Variants in ASTN2 observed in about 807,000 individuals in gnomAD.
ASTN2 encodes the protein astrotactin 2.
Under a neutral mutation model 139.8 loss-of-function variants are expected in ASTN2, and 54 were observed. The observed-to-expected ratio is 0.39, with a 90% CI of 0.31 to 0.48. The LOEUF (loss-of-function observed/expected upper bound fraction) is 0.48, where lower values mean the gene tolerates loss of function less well. Ranked by LOEUF, ASTN2 falls within the 20% of genes least tolerant of loss-of-function variation. ASTN2 has a pLI of 0.95. For synonymous variants in ASTN2, 756 were observed against 719.5 expected, an observed-to-expected ratio of 1.05 and a Z score of -0.81; for missense variants, 1,565 against 1,725.1, an observed-to-expected ratio of 0.91 and a Z score of 1.64.
At chr9:116,963,925 C>G (rs1341372916) in intron 10 of ASTN2, among the ~76,000 whole-genome samples, 1 of 152,160 alleles carries the variant, frequency 6.6e-6, no homozygotes, top group African/African-American at 2.4e-5. Context: ...AAGGCCTCAG[C>G]TCCATGGAAT....
chr9:116,541,400 T>C (rs919412731), intron 19 of ASTN2, among the ~76,000 whole-genome samples: 4 of 152,194 alleles, frequency 2.6e-5, no homozygotes, highest in African/African-American at 7.2e-5. Flanking sequence ...TATGAGCCAC[T>C]GCAAGTTCTA....
At chr9:117,365,737 ATGAAAGTCCACAATGTTC>A (rs1046314316) in intron 1 of ASTN2, among the ~76,000 whole-genome samples, 1 of 152,194 alleles carries the variant, frequency 6.6e-6, no homozygotes, top group African/African-American at 2.4e-5. Context: ...AGATCCTCCC[ATGAAAGTCCACAATGTTC>A]TGATGATGTG....
chr9:117,341,475 A>C (rs1021762289), intron 1 of ASTN2, among the ~76,000 whole-genome samples: 2 of 152,166 alleles, frequency 1.3e-5, no homozygotes, highest in African/African-American at 4.8e-5. Context: ...AGGGATAATA[A>C]TAATTTTTTG....
At chr9:116,806,193 T>C (rs1831024439) in intron 12 of ASTN2, among the ~76,000 whole-genome samples, 1 of 152,202 alleles carries the variant, frequency 6.6e-6, no homozygotes, top group African/African-American at 2.4e-5. Flanking sequence ...AGTACATCTG[T>C]CAACCAAGGT....
intron 17 of ASTN2, among the ~76,000 whole-genome samples, chr9:116,621,193 T>C (rs986632294): frequency 7.2e-5 from 11 of 152,114 alleles, no homozygotes; most frequent in Admixed American, 2.6e-4. Flanking sequence ...TGGGACAAGG[T>C]AGACTCTTCC....
intron 10 of ASTN2, among the ~76,000 whole-genome samples, chr9:116,916,172 T>TC (rs760162922): frequency 1.1e-3 from 172 of 152,266 alleles, no homozygotes; most frequent in Non-Finnish European, 2.1e-3. Flanking sequence ...TAGCCTTATT[T>TC]CCACATGTTG....
intron 20 of ASTN2, among the ~76,000 whole-genome samples, chr9:116,463,503 T>C (rs1848555548): frequency 6.6e-6 from 1 of 152,224 alleles, no homozygotes. Context: ...CATGCCATTG[T>C]CCCTCAGCCT....
intron 5 of ASTN2, among the ~76,000 whole-genome samples, chr9:117,080,455 A>G (rs1019895205): frequency 2.0e-5 from 3 of 152,212 alleles, no homozygotes; most frequent in Non-Finnish European, 4.4e-5. Flanking sequence ...AAAAATGTAC[A>G]GTGTCACAGA....
chr9:117,115,833 G>A (rs2132799012), intron 4 of ASTN2, among the ~76,000 whole-genome samples: 1 of 152,006 alleles, frequency 6.6e-6, no homozygotes, highest in Non-Finnish European at 1.5e-5. Flanking sequence ...AAACTATCCT[G>A]GCTAACATGG....
chr9:116,646,342 T>G (rs1379296390), intron 17 of ASTN2, among the ~76,000 whole-genome samples: 3 of 152,202 alleles, frequency 2.0e-5, no homozygotes, highest in Non-Finnish European at 4.4e-5. Context: ...TGTCTCAGTG[T>G]GAAAGCCCAG....
chr9:116,829,805 T>C (rs373462714), intron 11 of ASTN2, among the ~76,000 whole-genome samples: 3 of 152,146 alleles, frequency 2.0e-5, no homozygotes, highest in Admixed American at 6.5e-5. Context: ...GGTCAATAAA[T>C]GGTACTGAAA....
chr9:117,150,334 A>G (rs1830299331), intron 3 of ASTN2, among the ~76,000 whole-genome samples: 1 of 152,210 alleles, frequency 6.6e-6, no homozygotes, highest in Non-Finnish European at 1.5e-5. Context: ...AACTAATGTT[A>G]TCCTTACAAA....
At chr9:116,668,619 C>T (rs1227912139) in intron 16 of ASTN2, among the ~76,000 whole-genome samples, 1 of 152,164 alleles carries the variant, frequency 6.6e-6, no homozygotes, top group Non-Finnish European at 1.5e-5. Flanking sequence ...TATCCATTCA[C>T]CTATGAAGGA....
intron 2 of ASTN2, among the ~76,000 whole-genome samples, chr9:117,233,724 G>A (rs1188736651): frequency 6.6e-6 from 1 of 151,914 alleles, no homozygotes; most frequent in East Asian, 1.9e-4. Context: ...TTGCACTTAT[G>A]GCAGAGTGGT....
chr9:117,153,241 G>A (rs960611869), intron 3 of ASTN2, among the ~76,000 whole-genome samples: 2 of 151,898 alleles, frequency 1.3e-5, no homozygotes, highest in Non-Finnish European at 2.9e-5. Context: ...AGATGAAGAA[G>A]GAAGAATGAC....
At chr9:116,786,560 T>G (rs1313475124) in intron 13 of ASTN2, among the ~76,000 whole-genome samples, 1 of 152,066 alleles carries the variant, frequency 6.6e-6, no homozygotes. Context: ...GTTACTACAA[T>G]CACTACTACC....
rs7866478 is a variant in ASTN2, at chr9:116,424,705, G to C, written c.*1146C>G. Reference sequence around the variant, plus strand: ...CAATTCTCATGCCTCAGCCTCCCAAGTAGCTGGGATTGATTACAGGCACGT... The same window carrying C: ...CAATTCTCATGCCTCAGCCTCCCAACTAGCTGGGATTGATTACAGGCACGT... On this transcript the variant is annotated 3_prime_UTR_variant, in exon 23 of 23. Coordinates refer to ENST00000313400, the MANE Select transcript of ASTN2 (RefSeq NM_001365068.1). Among the ~76,000 whole-genome samples, 3,599 of 151,534 alleles carry C rather than the reference G, an allele frequency of 0.024. 144 individuals carry two copies. The highest frequency in any genetic ancestry group is 0.083 in the African/African-American group (3,417 of 41,236).
intron 11 of ASTN2, among the ~76,000 whole-genome samples, chr9:116,849,871 C>A (rs185046200): frequency 2.6e-5 from 4 of 152,292 alleles, no homozygotes; most frequent in Admixed American, 2.6e-4. Context: ...GTTGGCTTTG[C>A]AAAGCATAGA....
chr9:117,060,344 G>GAGAA (rs575931514), intron 5 of ASTN2, among the ~76,000 whole-genome samples: 1,953 of 58,806 alleles, frequency 0.033, 57 homozygotes, highest in East Asian at 0.05. Context: ...GAAAGAAAGA[G>GAGAA]AGAAAGAAAG....
Sources: gnomAD v4.1 joint callset for allele counts (sites outside exome capture counted in the v4.1 genomes callset) on GRCh38, gnomAD v4.1.1 for gene constraint, MANE v1.5 for transcripts, NCBI Gene and HGNC (gene_info 2026-07-23, HGNC 2026-07-21) for gene names.